The following HEMK2 variants were observed in gnomAD, a reference collection of about 807,000 sequenced individuals.
HEMK2 encodes methyltransferase HEMK2.
the HEMK2 span, among the ~76,000 whole-genome samples, chr21:28,772,033 A>G: frequency 1.3e-5 from 2 of 152,144 alleles, no homozygotes; most frequent in Admixed American, 6.5e-5. Flanking sequence ...TTCACTAATC[A>G]TAAGTCAGAG....
the HEMK2 span, among the ~76,000 whole-genome samples, chr21:28,619,670 G>T: frequency 6.6e-6 from 1 of 152,150 alleles, no homozygotes; most frequent in East Asian, 1.9e-4. Context: ...TGTTTGGAGA[G>T]ACTGCATTTT....
chr21:28,686,764 C>A, the HEMK2 span, among the ~76,000 whole-genome samples: 15 of 152,182 alleles, frequency 9.9e-5, no homozygotes, highest in Non-Finnish European at 2.1e-4. Flanking sequence ...GTCAGAAATT[C>A]TCCTAAGTCA....
the HEMK2 span, among the ~76,000 whole-genome samples, chr21:28,877,326 A>G: frequency 0.18 from 23,206 of 129,170 alleles, 2,213 homozygotes; most frequent in South Asian, 0.24. Context: ...GAAAGAAAGA[A>G]AAAGAAAGAA....
At chr21:28,841,695 T>C in the HEMK2 span, among the ~76,000 whole-genome samples, 2 of 150,956 alleles carry the variant, frequency 1.3e-5, no homozygotes, top group African/African-American at 4.9e-5. Flanking sequence ...GAGGGATAAA[T>C]AACTACAAAT....
At chr21:28,745,151 G>A in the HEMK2 span, among the ~76,000 whole-genome samples, 38 of 152,332 alleles carry the variant, frequency 2.5e-4, no homozygotes, top group African/African-American at 8.4e-4. Flanking sequence ...ACTGCTGCGA[G>A]TGGGAAGCAC....
chr21:28,661,746 C>T, the HEMK2 span, among the ~76,000 whole-genome samples: 1 of 152,116 alleles, frequency 6.6e-6, no homozygotes, highest in South Asian at 2.1e-4. Flanking sequence ...TCTGTATCTC[C>T]ACTGTCCAAT....
chr21:28,586,650 C>A, the HEMK2 span, among the ~76,000 whole-genome samples: 3 of 152,260 alleles, frequency 2.0e-5, no homozygotes, highest in South Asian at 6.2e-4. Flanking sequence ...CCACAATAAA[C>A]TTTTAAAACT....
At chr21:28,668,748 A>C in the HEMK2 span, among the ~76,000 whole-genome samples, 2 of 152,226 alleles carry the variant, frequency 1.3e-5, no homozygotes, top group African/African-American at 4.8e-5. Context: ...ACTTCAATTA[A>C]CCGTGTATTA....
At chr21:28,681,302 T>C in the HEMK2 span, among the ~76,000 whole-genome samples, 1 of 152,128 alleles carries the variant, frequency 6.6e-6, no homozygotes, top group Non-Finnish European at 1.5e-5. Flanking sequence ...CCATTCACAA[T>C]TGCTTCAAAG....
the HEMK2 span, among the ~76,000 whole-genome samples, chr21:28,865,984 C>G: frequency 2.0e-5 from 3 of 151,402 alleles, no homozygotes; most frequent in African/African-American, 7.3e-5. Flanking sequence ...TCAAAGTTCA[C>G]TGTCCTTTTA....
At chr21:28,875,149 T>C in the HEMK2 span, 1 of 152,266 alleles carries the variant, frequency 6.6e-6, no homozygotes, top group Non-Finnish European at 1.5e-5. Flanking sequence ...AAATTTGGCC[T>C]ACTTCTTCAT....
chr21:28,809,753 G>T, the HEMK2 span, among the ~76,000 whole-genome samples: 4 of 152,134 alleles, frequency 2.6e-5, no homozygotes, highest in Non-Finnish European at 4.4e-5. Flanking sequence ...TTTTTAAAAT[G>T]CTTTGATATA....
At chr21:28,781,180 T>C in the HEMK2 span, among the ~76,000 whole-genome samples, 4 of 152,212 alleles carry the variant, frequency 2.6e-5, 1 homozygote, top group Middle Eastern at 3.2e-3. Flanking sequence ...AGGCAACTCA[T>C]AAAATCAAAT....
At chr21:28,771,518 A>ACCG in the HEMK2 span, among the ~76,000 whole-genome samples, 17 of 105,676 alleles carry the variant, frequency 1.6e-4, no homozygotes, top group African/African-American at 5.7e-4. Flanking sequence ...AAGATGCACC[A>ACCG]CCCCCCCCCG....
chr21:28,798,306 T>C, the HEMK2 span, among the ~76,000 whole-genome samples: 1 of 152,164 alleles, frequency 6.6e-6, no homozygotes, highest in African/African-American at 2.4e-5. Flanking sequence ...CACTGAACTT[T>C]GCAGACATAC....
At chr21:28,742,245 T>C in the HEMK2 span, among the ~76,000 whole-genome samples, 3 of 152,208 alleles carry the variant, frequency 2.0e-5, no homozygotes, top group Admixed American at 6.5e-5. Context: ...TGCTGGCCCC[T>C]GGTTTAGAGT....
chr21:28,623,811 C>T, the HEMK2 span, among the ~76,000 whole-genome samples: 2 of 152,084 alleles, frequency 1.3e-5, no homozygotes, highest in African/African-American at 4.8e-5. Context: ...GGGAGGGGAA[C>T]ATCACACACT....
the HEMK2 span, among the ~76,000 whole-genome samples, chr21:28,815,455 A>G: frequency 6.6e-6 from 1 of 152,146 alleles, no homozygotes; most frequent in South Asian, 2.1e-4. Flanking sequence ...AGTCTCTCCC[A>G]CATCCTACTA....
chr21:28,766,902 A>G, the HEMK2 span, among the ~76,000 whole-genome samples: 1 of 152,172 alleles, frequency 6.6e-6, no homozygotes, highest in Non-Finnish European at 1.5e-5. Context: ...GTTATACTGT[A>G]CACTGCTTGG....
Sources: allele counts gnomAD v4.1 joint callset (sites outside exome capture counted in the v4.1 genomes callset), GRCh38; gene constraint gnomAD v4.1.1; transcripts MANE v1.5; gene names NCBI Gene and HGNC (gene_info 2026-07-23, HGNC 2026-07-21).